Variants in RAD50 observed in about 807,000 individuals in gnomAD.
RAD50 encodes DNA repair protein RAD50.
Under a neutral mutation model 168.8 loss-of-function variants are expected in RAD50, and 132 were observed. The ratio of observed to expected loss-of-function variants is 0.78; its 90% confidence interval spans 0.68 to 0.90. The LOEUF is 0.90. Ranked by LOEUF, RAD50 falls within the 40% of genes least tolerant of loss-of-function variation. RAD50 has a pLI of 0.00. For missense variants in RAD50, 1,347 were observed against 1,534.4 expected, an observed-to-expected ratio of 0.88 and a Z score of 2.04; for synonymous variants, 525 against 497.4, an observed-to-expected ratio of 1.06 and a Z score of -0.74.
chr5:132,615,237 A>G (rs1581008031), intron 19 of RAD50, among the ~76,000 whole-genome samples: 1 of 152,306 alleles, frequency 6.6e-6, no homozygotes, highest in Non-Finnish European at 1.5e-5. Context: ...AACCACTGAA[A>G]TAATTTTGTT....
intron 11 of RAD50, 39 bp downstream of exon 11, chr5:132,592,073 A>G (rs1750712516): frequency 1.9e-6 from 3 of 1,560,052 alleles, no homozygotes; most frequent in Non-Finnish European, 8.8e-7. Context: ...GAAATCTCTT[A>G]TTTCATGCTT....
In RAD50 at chr5:132,613,594, C is replaced by CTTTTT. The variant is rs869151568; in HGVS notation, c.3037-2390_3037-2386dup. Among the ~76,000 whole-genome samples, 47 of 111,102 alleles carry CTTTTT rather than the reference C, an allele frequency of 4.2e-4. 1 individual carries two copies. Among genetic ancestry groups the CTTTTT allele is most frequent in the African/African-American group, 1.5e-3 (41 of 26,950 alleles). The allele number at this position is 111,102 out of a possible 152,430, so 72.9% of individuals were successfully genotyped here. A position where few individuals can be genotyped will look rare whatever the true frequency, so the allele number is the denominator to read the frequency against. The stretch of plus-strand genomic sequence containing the variant: ...TCATTCCTTTAATCTTCACAATAGT[C>CTTTTT]TTTTTTTTTTTTTTTTTTTTTTTAA... On this transcript the variant is annotated intron_variant, in intron 19 of 24. Transcript: ENST00000378823.
intron 20 of RAD50, among the ~76,000 whole-genome samples, chr5:132,617,168 A>G (rs913297440): frequency 1.4e-4 from 22 of 152,202 alleles, no homozygotes; most frequent in African/African-American, 5.3e-4. Context: ...GATACTCTCC[A>G]TGGCAAGTTG....
At chr5:132,640,562 C>A in intron 23 of RAD50, 110 bp from the exon 24 acceptor site, 1 of 1,459,686 alleles carries the variant, frequency 6.9e-7, no homozygotes, top group Non-Finnish European at 9.6e-7. Context: ...TAACAGTGAA[C>A]CTGTGACGTT....
At chr5:132,628,629 T>G (rs1231631566) in intron 21 of RAD50, among the ~76,000 whole-genome samples, 1 of 152,014 alleles carries the variant, frequency 6.6e-6, no homozygotes, top group East Asian at 1.9e-4. Context: ...GTGGATCACC[T>G]GAAGTCAGGA....
chr5:132,624,871 CAAAAA>C (rs10671829), intron 21 of RAD50, among the ~76,000 whole-genome samples: 7 of 57,354 alleles, frequency 1.2e-4, no homozygotes, highest in Non-Finnish European at 2.0e-4. Context: ...GACCCTGTCT[CAAAAA>C]AAAAAAAAAA....
At chr5:132,566,647 A>G (rs1750213468) in intron 2 of RAD50, among the ~76,000 whole-genome samples, 1 of 152,216 alleles carries the variant, frequency 6.6e-6, no homozygotes, top group Admixed American at 6.5e-5. Context: ...CTAAAGACAA[A>G]ATAATTCTTC....
intron 2 of RAD50, among the ~76,000 whole-genome samples, chr5:132,570,312 C>T (rs1043475635): frequency 1.3e-5 from 2 of 152,022 alleles, no homozygotes; most frequent in African/African-American, 4.8e-5. Context: ...TATACTAGAA[C>T]CTTAACTAAT....
rs146406033 is a variant in RAD50 at position 132,631,539 on chromosome 5, A to T, written c.3390-5576A>T. ...GTGGTGGAGCTGATACACTAGCCAG[A>T]TGGCTACTTGACCATAACAGTTTGC... On this transcript the variant is annotated intron_variant, in intron 21 of 24. Coordinates refer to ENST00000378823, the MANE Select transcript of RAD50 (RefSeq NM_005732.4). 1.9e-4 allele frequency among the ~76,000 whole-genome samples: 29 copies of T among 152,336 alleles called. No individual in the cohort carries two copies. The East Asian group carries it at 5.4e-3, about 28-fold the overall frequency.
In RAD50 at chr5:132,595,482, A is replaced by G. The variant is rs1750772958; in HGVS notation, c.1970-91A>G. On this transcript the variant is annotated intron_variant, in intron 12 of 24. Coordinates refer to ENST00000378823, the MANE Select transcript of RAD50 (RefSeq NM_005732.4). ...ATATATTTATAAAGCAAGAATAATC[A>G]TATATTTATAGAAAAAGATACAACC... The G allele has an allele frequency of 6.7e-5, 53 of 787,284 alleles. 1 individual carries two copies. In the South Asian group the frequency reaches 9.3e-4, roughly 14 times the overall value. 48.8% of individuals were successfully genotyped at this position (787,284 alleles called of 1,614,324 possible).
intron 21 of RAD50, among the ~76,000 whole-genome samples, chr5:132,631,925 G>T (rs1036693059): frequency 2.6e-5 from 4 of 152,070 alleles, no homozygotes; most frequent in African/African-American, 9.7e-5. Context: ...CTATTACCGT[G>T]GCACCTTTCC....
At chr5:132,638,313 CACCTGAATG>C in intron 23 of RAD50, 90 bp downstream of exon 23, 9 of 1,462,040 alleles carry the variant, frequency 6.2e-6, no homozygotes, top group Non-Finnish European at 8.5e-6. Context: ...CCCAAGGCTA[CACCTGAATG>C]GTGGGAAGCT....
At chr5:132,571,695 A>T (rs1421335250) in intron 2 of RAD50, among the ~76,000 whole-genome samples, 2 of 151,940 alleles carry the variant, frequency 1.3e-5, no homozygotes, top group Admixed American at 1.3e-4. Context: ...TCCAGCCTGG[A>T]TGACAAAGTG....
intron 5 of RAD50, among the ~76,000 whole-genome samples, chr5:132,582,813 C>T (rs758855194): frequency 1.3e-5 from 2 of 152,042 alleles, no homozygotes; most frequent in Non-Finnish European, 2.9e-5. Flanking sequence ...TGTTGTCTGC[C>T]TGCTTGTCCT....
chr5:132,615,605 T>G (rs1751161561), intron 19 of RAD50, among the ~76,000 whole-genome samples: 1 of 152,222 alleles, frequency 6.6e-6, no homozygotes, highest in Non-Finnish European at 1.5e-5. Context: ...ACTGGGGATG[T>G]AGGTATTAAA....
chr5:132,595,931 A>G, intron 13 of RAD50, 121 bp downstream of exon 13: 1 of 843,940 alleles, frequency 1.2e-6, no homozygotes, highest in South Asian at 1.4e-5. Flanking sequence ...CCTGTCTTAT[A>G]TCACTTCTAT....
At chr5:132,611,433 T>C (rs572529122) in intron 19 of RAD50, among the ~76,000 whole-genome samples, 45 of 147,360 alleles carry the variant, frequency 3.1e-4, no homozygotes, top group East Asian at 8.2e-4. Flanking sequence ...CAGCCAGGCG[T>C]GGTGGCTCAC....
At chr5:132,560,265 CTATTT>C (rs1750102002) in intron 2 of RAD50, among the ~76,000 whole-genome samples, 4 of 152,086 alleles carry the variant, frequency 2.6e-5, no homozygotes, top group Admixed American at 2.6e-4. Context: ...TTTTATACTT[CTATTT>C]TATTGTTTTT....
At chr5:132,572,424 A>G (rs1750322750) in intron 2 of RAD50, among the ~76,000 whole-genome samples, 1 of 152,164 alleles carries the variant, frequency 6.6e-6, no homozygotes, top group South Asian at 2.1e-4. Context: ...ACAATAACCA[A>G]AAAACCCTAA....
Sources: allele counts gnomAD v4.1 joint callset (sites outside exome capture counted in the v4.1 genomes callset), GRCh38; gene constraint gnomAD v4.1.1; transcripts MANE v1.5; gene names NCBI Gene and HGNC (gene_info 2026-07-23, HGNC 2026-07-21).